Variants in TJP3 observed in about 807,000 individuals in gnomAD.
The protein encoded by TJP3 is tight junction protein ZO-3.
TJP3 carries 85 observed loss-of-function variants against 104.2 expected under a neutral mutation model. The ratio of observed to expected loss-of-function variants is 0.82; its 90% confidence interval spans 0.68 to 0.98. The LOEUF (loss-of-function observed/expected upper bound fraction) is 0.98, where lower values mean the gene tolerates loss of function less well. TJP3 is among the 50% of genes least tolerant of loss of function. TJP3 has a pLI of 0.00. For missense variants in TJP3, 1,367 were observed against 1,322.8 expected, an observed-to-expected ratio of 1.03 and a Z score of -0.52; for synonymous variants, 550 against 550.6, an observed-to-expected ratio of 1.00 and a Z score of 0.02.
Position 3,746,646 on chromosome 19 carries a change from C to A in TJP3, c.2172C>A (p.Leu724=). The part of the protein sequence containing the change: ...APASRRSTRR[L]YAQAQKLRKH... ...CCTCCCGCCGCAGCACCCGTCGCCTCTACGCACAAGCCCAGAAGCTGCGAA... is the reference window on the plus strand; with the variant it reads ...CCTCCCGCCGCAGCACCCGTCGCCTATACGCACAAGCCCAGAAGCTGCGAA... Residue 724 remains leucine, a synonymous_variant, in exon 17 of 21, where the codon CTC becomes CTA. Transcript: ENST00000541714. This position sits in a 1 kb window ranked among gnomAD's most constrained non-coding sequence, Gnocchi z 4.1. The A allele has an allele frequency of 6.2e-7, 1 of 1,613,426 alleles. No individual in the cohort carries two copies. The highest frequency in any genetic ancestry group is 1.7e-5 in the Admixed American group (1 of 59,926).
chr19:3,726,760 G>A (rs776296953), intron 1 of TJP3, among the ~76,000 whole-genome samples: 1 of 151,898 alleles, frequency 6.6e-6, no homozygotes, highest in African/African-American at 2.4e-5. Flanking sequence ...TTACTCAGGA[G>A]GCTGGGGCAG....
intron 13 of TJP3, among the ~76,000 whole-genome samples, chr19:3,740,104 T>C (rs1198528984): frequency 6.6e-6 from 1 of 151,738 alleles, no homozygotes; most frequent in East Asian, 1.9e-4. Context: ...TGGTGGTGCA[T>C]ACCTGTAATC....
intron 1 of TJP3, among the ~76,000 whole-genome samples, chr19:3,709,698 C>G (rs545606346): frequency 6.6e-6 from 1 of 152,148 alleles, no homozygotes. Context: ...GGCTGCAGAG[C>G]TCCCAGGGAG....
At position 3,746,905 on chromosome 19, in the gene TJP3, A is replaced by AG; in HGVS notation, c.2322+32dup. ...CTGCCGCGGTGTGGGTGGGTCGGGCAGGGAGGCCCCACAGACGCTGTGCAG... is the reference window on the plus strand; with the variant it reads ...CTGCCGCGGTGTGGGTGGGTCGGGCAGGGGAGGCCCCACAGACGCTGTGCAG... On this transcript the variant is annotated intron_variant, in intron 18 of 20. Coordinates refer to ENST00000541714, the MANE Select transcript of TJP3 (RefSeq NM_001267560.2). This position sits in a 1 kb window ranked among gnomAD's most constrained non-coding sequence, Gnocchi z 4.1. 1.4e-6 allele frequency: 1 copy of AG among 723,248 alleles called. No individual in the cohort carries two copies. The highest frequency in any genetic ancestry group is 2.3e-6 in the Non-Finnish European group (1 of 437,092). 44.8% of individuals were successfully genotyped at this position (723,248 alleles called of 1,614,324 possible).
At position 3,750,813 on chromosome 19, in the gene TJP3, A is replaced by T; in HGVS notation, c.*129A>T. 3.0e-6 allele frequency: 3 copies of T among 1,009,210 alleles called. No individual in the cohort carries two copies. In the South Asian group the frequency reaches 4.5e-5, roughly 15 times the overall value. The allele number at this position is 1,009,210 out of a possible 1,614,324, so 62.5% of individuals were successfully genotyped here. On this transcript the variant is annotated 3_prime_UTR_variant, in exon 21 of 21. Coordinates refer to ENST00000541714, the MANE Select transcript of TJP3 (RefSeq NM_001267560.2). ...TTAATAAACAGAGTATTTTCACAGC[A>T]CCGGCTTCTAGTGGCTTCCAGGAAG...
chr19:3,720,619 GT>G (rs912397088), intron 1 of TJP3, among the ~76,000 whole-genome samples: 88 of 145,712 alleles, frequency 6.0e-4, no homozygotes, highest in Middle Eastern at 3.5e-3. Context: ...CTGGGCGCAG[GT>G]TTTTTTTTTT....
At chr19:3,735,833 G>A (rs572557320) in intron 9 of TJP3, 36 bp from the exon 10 acceptor site, 2 of 1,613,514 alleles carry the variant, frequency 1.2e-6, no homozygotes, top group East Asian at 2.2e-5. Flanking sequence ...GACTGAGCCA[G>A]TGTGCTTGGG....
intron 1 of TJP3, among the ~76,000 whole-genome samples, chr19:3,722,110 GC>G (rs2036547734): frequency 6.6e-6 from 1 of 152,120 alleles, no homozygotes; most frequent in Non-Finnish European, 1.5e-5. Flanking sequence ...CCCCCTCCCT[GC>G]CTCCAAAGAC....
intron 1 of TJP3, among the ~76,000 whole-genome samples, chr19:3,727,051 C>G (rs1012815387): frequency 4.6e-5 from 7 of 151,804 alleles, no homozygotes; most frequent in Admixed American, 3.9e-4. Flanking sequence ...CACACCACTG[C>G]ACTCCAGCCT....
chr19:3,730,761 T>G lies in TJP3; in HGVS notation c.613+55T>G, dbSNP rs1599152438. The G allele has an allele frequency of 6.6e-7, 1 of 1,518,328 alleles. No individual in the cohort carries two copies. The highest frequency in any genetic ancestry group is 1.2e-5 in the South Asian group (1 of 82,390). The allele number at this position is 1,518,328 out of a possible 1,614,324, so 94.1% of individuals were successfully genotyped here. A position where few individuals can be genotyped will look rare whatever the true frequency, so the allele number is the denominator to read the frequency against. On this transcript the variant is annotated intron_variant, in intron 5 of 20. Coordinates refer to ENST00000541714, the MANE Select transcript of TJP3 (RefSeq NM_001267560.2). This position sits in a 1 kb window ranked among gnomAD's most constrained non-coding sequence, Gnocchi z 7.3. ...CAGTACTGGACACAGGGCACCGTGG[T>G]CGGATGGGCGACGGTTTCAAGTGAT...
chr19:3,737,907 G>T (rs551519139), intron 11 of TJP3, among the ~76,000 whole-genome samples: 43 of 152,116 alleles, frequency 2.8e-4, no homozygotes, highest in Non-Finnish European at 5.1e-4. Context: ...AGAGCAGGTG[G>T]CTGTGTCTGT....
At chr19:3,735,048 G>A (rs963961007) in intron 8 of TJP3, among the ~76,000 whole-genome samples, 6 of 152,018 alleles carry the variant, frequency 3.9e-5, no homozygotes. Context: ...GTAGAGATGG[G>A]GTCTGTATTG....
rs146124696 is a variant in TJP3, at chr19:3,728,842, C to T, written c.158+129C>T. On this transcript the variant is annotated intron_variant, in intron 3 of 20. Coordinates refer to ENST00000541714, the MANE Select transcript of TJP3 (RefSeq NM_001267560.2). The stretch of plus-strand genomic sequence containing the variant: ...CTGAAGTGGGCGGATCACCTGAGTT[C>T]AGGAGTTTGAGACCAGCCTGGCCAA... The T allele has an allele frequency of 1.1e-3, 1,032 of 981,482 alleles. 7 individuals are homozygous for T. In the African/African-American group the frequency reaches 0.015, roughly 14 times the overall value. 60.8% of individuals were successfully genotyped at this position (981,482 alleles called of 1,614,324 possible).
Position 3,731,923 on chromosome 19 carries a change from C to A in TJP3, c.614-12C>A. 6.2e-7 allele frequency: 1 copy of A among 1,608,880 alleles called. No homozygotes were observed. Among genetic ancestry groups the A allele is most frequent in the Non-Finnish European group, 8.5e-7 (1 of 1,176,998 alleles). ...AGAGTCCTGCCTCAGTTTCCCTCCT[C>A]CCCCCTTACAGAGTTTGGCGTCAAG... On this transcript the variant is annotated splice_polypyrimidine_tract_variant and intron_variant, in intron 5 of 20. Transcript: ENST00000541714.
intron 1 of TJP3, among the ~76,000 whole-genome samples, chr19:3,710,671 G>C (rs1160117485): frequency 3.3e-5 from 5 of 152,158 alleles, no homozygotes; most frequent in Admixed American, 6.6e-5. Flanking sequence ...GCCTAGGCTG[G>C]GGGGAGGGGT....
Position 3,730,535 on chromosome 19 carries a change from C to T in TJP3, c.442C>T (p.Arg148Trp), listed in dbSNP as rs201979620. The T allele has an allele frequency of 1.9e-4, 298 of 1,598,466 alleles. No individual in the cohort carries two copies. The African/African-American group carries it at 2.6e-3, about 14-fold the overall frequency. ...SGRSWDERSR[R>W]PRPGRRGRAG... ...CCGCTCCTGGGACGAGCGCTCCCGC[C>T]GGCCGAGGCCTGGTCGCCGGGGCCG... Residue 148 changes from arginine (R) to tryptophan (W), a missense_variant, in exon 5 of 21, where the codon CGG (arginine) becomes TGG (tryptophan). Coordinates refer to ENST00000541714, the MANE Select transcript of TJP3 (RefSeq NM_001267560.2). The surrounding 1 kb of genome is among the most constrained non-coding windows in gnomAD (Gnocchi z 7.3).
At chr19:3,710,625 C>T (rs543476072) in intron 1 of TJP3, among the ~76,000 whole-genome samples, 28 of 152,254 alleles carry the variant, frequency 1.8e-4, no homozygotes, top group Admixed American at 1.1e-3. Flanking sequence ...CAGGGTGGAA[C>T]CTGACACCCT....
In TJP3 at chr19:3,739,084, G is replaced by C. The variant is rs749146859; in HGVS notation, c.1581G>C (p.Met527Ile). ...ARGGHWLAVR[M>I]GRDLREQERG... ...GAGGCCACTGGCTGGCGGTGCGCAT[G>C]GGTCGTGACCTGCGGGAGCAAGAGC... is the stretch of plus-strand genomic sequence containing the variant. The change falls in exon 13 of 21, where the codon ATG becomes ATC. Residue 527 changes from methionine to isoleucine, a missense_variant. By Grantham distance (10) the Met-to-Ile change is conservative. Transcript: ENST00000541714. The C allele has an allele frequency of 1.2e-6, 2 of 1,603,084 alleles. No individual in the cohort carries two copies. The highest frequency in any genetic ancestry group is 4.5e-5 in the East Asian group (2 of 44,636).
rs369492578 is a variant in TJP3 at position 3,722,935 on chromosome 19, C to G, written c.-9-5489C>G. 2.9e-5 allele frequency among the ~76,000 whole-genome samples: 4 copies of G among 136,650 alleles called. No individual in the cohort carries two copies. In the East Asian group the frequency reaches 9.3e-4, roughly 32 times the overall value. 89.6% of individuals were successfully genotyped at this position (136,650 alleles called of 152,430 possible). A position where few individuals can be genotyped will look rare whatever the true frequency, so the allele number is the denominator to read the frequency against. On this transcript the variant is annotated intron_variant, in intron 1 of 20. Transcript: ENST00000541714. ...TGTGACTTGGTACCGGCCCCGTCCCCTCTGGGCGGGCCTCTTGTTCGGTGT... is the reference window on the plus strand; with the variant it reads ...TGTGACTTGGTACCGGCCCCGTCCCGTCTGGGCGGGCCTCTTGTTCGGTGT...
Sources: allele counts gnomAD v4.1 joint callset (sites outside exome capture counted in the v4.1 genomes callset), GRCh38; gene constraint gnomAD v4.1.1; non-coding constraint Gnocchi (gnomAD v3.1); transcripts MANE v1.5; gene names NCBI Gene and HGNC (gene_info 2026-07-23, HGNC 2026-07-21).